Variants in ELF4 observed in about 807,000 individuals in gnomAD.
ELF4 encodes ETS-related transcription factor Elf-4.
ELF4 carries 10 observed loss-of-function variants against 31.7 expected under a neutral mutation model. That is an observed-to-expected ratio of 0.32 (90% CI 0.19 to 0.54). The LOEUF (loss-of-function observed/expected upper bound fraction) is 0.54. ELF4 is among the 20% of genes least tolerant of loss of function. The probability of loss-of-function intolerance (pLI) is 0.95; values close to 1 mark genes in which losing one functional copy is unlikely to be tolerated. For synonymous variants in ELF4, 208 were observed against 226.7 expected (o/e 0.92, Z 0.74); for missense variants, 418 against 522.0 (o/e 0.80, Z 1.94).
chrX:130,079,445 C>T (rs1384671983), intron 2 of ELF4, among the ~76,000 whole-genome samples: 2 of 110,360 alleles, frequency 1.8e-5, no homozygotes, highest in Admixed American at 9.7e-5. Flanking sequence ...GTGACAAGAG[C>T]GAAACTCCAT....
intron 1 of ELF4, 89 bp from the exon 2 acceptor site, chrX:130,081,628 C>T (rs1932889502): frequency 2.6e-6 from 1 of 377,483 alleles, no homozygotes; most frequent in Non-Finnish European, 4.7e-6. Flanking sequence ...AGGGACCCTG[C>T]CATGCTAAGG....
Position 130,067,270 on chromosome X carries a change from C to T in ELF4, c.1443G>A (p.Leu481=). 1 of 1,212,161 alleles carries T rather than the reference C, an allele frequency of 8.2e-7. No individual in the cohort carries two copies. The highest frequency in any genetic ancestry group is 2.3e-4 in the Middle Eastern group (1 of 4,342). The change falls in exon 9 of 9, where the codon CTG becomes CTA. Residue 481 remains leucine, a synonymous_variant. Coordinates refer to ENST00000308167, the MANE Select transcript of ELF4 (RefSeq NM_001421.4). ...GAAGTTGGGGGAGGCCACTGAGAATCAGTGGAGCCCCTGGGGCTGCCACCT... is the reference window on the plus strand; with the variant it reads ...GAAGTTGGGGGAGGCCACTGAGAATTAGTGGAGCCCCTGGGGCTGCCACCT... ...DSQVAAPGAP[L]ILSGLPQLLA... is the part of the protein sequence containing the mutation.
chrX:130,095,019 G>T (rs1933125906), intron 1 of ELF4, among the ~76,000 whole-genome samples: 1 of 111,954 alleles, frequency 8.9e-6, no homozygotes, highest in Non-Finnish European at 1.9e-5. Flanking sequence ...GGCCTGCTGG[G>T]GGAGGGGCAG....
At chrX:130,072,490 C>G in intron 4 of ELF4, 73 bp from the exon 5 acceptor site, 1 of 1,085,151 alleles carries the variant, frequency 9.2e-7, no homozygotes, top group Non-Finnish European at 1.3e-6. Context: ...GCTGGAGAGA[C>G]GGGTAGGTTC....
At chrX:130,075,834 C>A (rs1193377264) in intron 2 of ELF4, among the ~76,000 whole-genome samples, 1 of 111,645 alleles carries the variant, frequency 9.0e-6, no homozygotes, top group African/African-American at 3.3e-5. Context: ...GAAGACAGAA[C>A]AGAGGCATTA....
chrX:130,090,465 C>T (rs1160603075), intron 1 of ELF4, among the ~76,000 whole-genome samples: 2 of 111,713 alleles, frequency 1.8e-5, no homozygotes, highest in African/African-American at 6.5e-5. Context: ...CAGTGCCTTC[C>T]CCACCTCCAC....
At position 130,064,379 on chromosome X, in the gene ELF4, A is replaced by C. The variant is rs933696786; in HGVS notation, c.*2342T>G. ...CTTGAGCCTGGGAGGCAGAGGTTGC[A>C]GTGAACCGAGATTGCACCACTGCAC... On this transcript the variant is annotated 3_prime_UTR_variant, in exon 9 of 9. Coordinates refer to ENST00000308167, the MANE Select transcript of ELF4 (RefSeq NM_001421.4). Among the ~76,000 whole-genome samples the C allele has an allele frequency of 8.0e-5, 9 of 112,253 alleles. No individual in the cohort carries two copies. Among genetic ancestry groups the C allele is most frequent in the African/African-American group, 2.3e-4 (7 of 30,883 alleles).
intron 1 of ELF4, among the ~76,000 whole-genome samples, chrX:130,087,951 T>G (rs1242552493): frequency 3.6e-5 from 4 of 111,558 alleles, no homozygotes; most frequent in African/African-American, 1.3e-4. Context: ...GAAACCAGTT[T>G]GATTAGAGGG....
In ELF4 at chrX:130,065,260, C is replaced by G. The variant is rs2124608106; in HGVS notation, c.*1461G>C. The stretch of plus-strand genomic sequence containing the variant: ...GCCCTCAAACTTGGCAGGAGGGAGG[C>G]AAGCTCGTTTAAAGAAGGGAGAGGG... On this transcript the variant is annotated 3_prime_UTR_variant, in exon 9 of 9. Transcript: ENST00000308167. 5.7e-6 allele frequency: 1 copy of G among 175,415 alleles called. No individual in the cohort carries two copies. Among genetic ancestry groups the G allele is most frequent in the East Asian group, 8.1e-5 (1 of 12,412 alleles). The allele number at this position is 175,415 out of a possible 1,213,427, so 14.5% of individuals were successfully genotyped here.
At chrX:130,111,582 C>A (rs1032551471), upstream of ELF4, among the ~76,000 whole-genome samples, 8 of 111,796 alleles carry the variant, frequency 7.2e-5, no homozygotes, top group African/African-American at 2.6e-4. Context: ...TTAGGGAAGT[C>A]GAGTCTAGGA....
chrX:130,067,684 C>T (rs950754605), intron 8 of ELF4, among the ~76,000 whole-genome samples, 159 bp from the exon 9 acceptor site: 18 of 111,883 alleles, frequency 1.6e-4, no homozygotes, highest in Non-Finnish European at 2.8e-4. Flanking sequence ...CTCTGCTGCC[C>T]GGGATGGAGT....
chrX:130,074,793 T>TCTTCCAGCAAACC lies in ELF4; in HGVS notation c.76-54_76-42dup, dbSNP rs756504477. On this transcript the variant is annotated intron_variant, in intron 2 of 8. Transcript: ENST00000308167. ...GGATGTGATTCAAGACCCACCCAGC[T>TCTTCCAGCAAACC]CTTCCAGCAAACCCTCCCTACCAGA... 6 of 1,201,285 alleles carry TCTTCCAGCAAACC rather than the reference T, an allele frequency of 5.0e-6. No individual in the cohort carries two copies. In the South Asian group the frequency reaches 1.1e-4, roughly 21 times the overall value.
intron 1 of ELF4, among the ~76,000 whole-genome samples, chrX:130,095,018 G>T (rs1933125838): frequency 8.9e-6 from 1 of 111,953 alleles, no homozygotes; most frequent in Non-Finnish European, 1.9e-5. Context: ...TGGCCTGCTG[G>T]GGGAGGGGCA....
intron 1 of ELF4, among the ~76,000 whole-genome samples, chrX:130,083,514 C>CTG (rs1932916671): frequency 9.0e-6 from 1 of 111,184 alleles, no homozygotes; most frequent in African/African-American, 3.3e-5. Context: ...CATGAAACTC[C>CTG]TGTGTGTGTC....
At chrX:130,104,411 G>A (rs924883129) in intron 1 of ELF4, among the ~76,000 whole-genome samples, 2 of 110,528 alleles carry the variant, frequency 1.8e-5, no homozygotes, top group African/African-American at 3.3e-5. Flanking sequence ...TTCAGAAATG[G>A]GTGTGGCATG....
chrX:130,101,838 A>G (rs1226863078), intron 1 of ELF4, among the ~76,000 whole-genome samples: 1 of 109,938 alleles, frequency 9.1e-6, no homozygotes, highest in Non-Finnish European at 1.9e-5. Context: ...AAACAAAACA[A>G]AACAAAAACA....
intron 3 of ELF4, among the ~76,000 whole-genome samples, 174 bp from the exon 4 acceptor site, chrX:130,074,315 C>T (rs1932814412): frequency 9.0e-6 from 1 of 111,337 alleles, no homozygotes; most frequent in South Asian, 3.8e-4. Flanking sequence ...ACCAGAGGTA[C>T]TGAGGGACAG....
chrX:130,078,219 T>A (rs1440250816), intron 2 of ELF4, among the ~76,000 whole-genome samples: 1 of 110,155 alleles, frequency 9.1e-6, no homozygotes, highest in Non-Finnish European at 1.9e-5. Context: ...GCTAATTTTG[T>A]ATTTTTAGTA....
chrX:130,106,275 C>A (rs1324682195), intron 1 of ELF4, among the ~76,000 whole-genome samples: 1 of 110,528 alleles, frequency 9.0e-6, no homozygotes, highest in African/African-American at 3.3e-5. Flanking sequence ...ACAATTAGCA[C>A]CTGACCAGCC....
Sources: gnomAD v4.1 joint callset for allele counts (sites outside exome capture counted in the v4.1 genomes callset) on GRCh38, gnomAD v4.1.1 for gene constraint, MANE v1.5 for transcripts, NCBI Gene and HGNC (gene_info 2026-07-23, HGNC 2026-07-21) for gene names.